CHP2: variants seen among roughly 807,000 people sequenced by gnomAD.
The protein encoded by CHP2 is calcineurin B homologous protein 2.
A neutral mutation model predicts 24.7 loss-of-function variants in CHP2; 31 were observed. The observed-to-expected ratio is 1.26, with a 90% CI of 0.94 to 1.69. The LOEUF (loss-of-function observed/expected upper bound fraction) is 1.69. CHP2 is among the 40% of genes most tolerant of loss of function. The pLI is 0.00. For missense variants in CHP2, 319 were observed against 261.5 expected (o/e 1.22, Z -1.52); for synonymous variants, 97 against 99.1 (o/e 0.98, Z 0.13).
intron 1 of CHP2, 86 bp from the exon 2 acceptor site, chr16:23,755,575 T>C (rs965355305): frequency 2.6e-5 from 30 of 1,170,160 alleles, no homozygotes; most frequent in Non-Finnish European, 3.6e-5. Flanking sequence ...CCCGCTGTTC[T>C]GGCCCATCTT....
chr16:23,757,199 A>C lies in CHP2; in HGVS notation c.415-2A>C, dbSNP rs753042191. The C allele has an allele frequency of 6.2e-7, 1 of 1,613,944 alleles. No individual in the cohort carries two copies. Among genetic ancestry groups the C allele is most frequent in the Admixed American group, 1.7e-5 (1 of 59,998 alleles). On this transcript the variant is annotated splice_acceptor_variant, in intron 5 of 6. Transcript: ENST00000300113. LOFTEE classifies it high-confidence loss of function. ...ATGGCTGCCTCTTCACTCATCTCTCAGGTTCTCCGTCTGATGGTTGGGGTA... is the reference window on the plus strand; with the variant it reads ...ATGGCTGCCTCTTCACTCATCTCTCCGGTTCTCCGTCTGATGGTTGGGGTA...
intron 6 of CHP2, 86 bp from the exon 7 acceptor site, chr16:23,757,444 G>A: frequency 6.3e-7 from 1 of 1,578,616 alleles, no homozygotes; most frequent in Non-Finnish European, 8.7e-7. Flanking sequence ...TGGGGTCTCT[G>A]GAATGGGTAG....
Position 23,756,200 on chromosome 16 carries a change from T to G in CHP2, c.352+7T>G. ...AGAAGGAACAAACTTCACTGTGAGT[T>G]TGTGAGGACCTGCACAAGTGAGAAT... On this transcript the variant is annotated splice_region_variant and intron_variant, in intron 4 of 6. Coordinates refer to ENST00000300113, the MANE Select transcript of CHP2 (RefSeq NM_022097.4). The G allele has an allele frequency of 6.2e-7, 1 of 1,613,732 alleles. No homozygotes were observed. Among genetic ancestry groups the G allele is most frequent in the African/African-American group, 1.3e-5 (1 of 75,012 alleles).
In CHP2 at chr16:23,755,923, G is replaced by A. The variant is rs200529789; in HGVS notation, c.217G>A (p.Asp73Asn). The A allele has an allele frequency of 1.1e-4, 184 of 1,614,140 alleles. No homozygotes were observed. Among genetic ancestry groups the A allele is most frequent in the Non-Finnish European group, 1.0e-5 (12 of 1,180,016 alleles). ...CCGAATTATAGAAAGCTTCTTCCCC[G>A]ATGGGTGAGGCTTGCTGGGCGTGGG... ...GDRIIESFFPDGSQRVDFPGF... is the reference protein window; with the variant it reads ...GDRIIESFFPNGSQRVDFPGF... Residue 73 changes from aspartate to asparagine, a missense_variant, in exon 3 of 7, where the codon GAT becomes AAT. Coordinates refer to ENST00000300113, the MANE Select transcript of CHP2 (RefSeq NM_022097.4).
rs1961215911 is a variant in CHP2 at position 23,755,867 on chromosome 16, T to C, written c.161T>C (p.Ile54Thr). ...GYLSRMDLQQ[I>T]GALAVNPLGD... The stretch of plus-strand genomic sequence containing the variant: ...TGCAGCCGCATGGATCTCCAGCAGA[T>C]AGGGGCGCTCGCCGTGAACCCCCTG... Residue 54 changes from isoleucine to threonine, a missense_variant, in exon 3 of 7, where the codon ATA becomes ACA. Physicochemically the swap from Ile to Thr is moderately conservative, Grantham distance 89. Transcript: ENST00000300113. 11 of 1,614,030 alleles carry C rather than the reference T, an allele frequency of 6.8e-6. No individual in the cohort carries two copies. The highest frequency in any genetic ancestry group is 4.5e-5 in the East Asian group (2 of 44,884).
At chr16:23,755,781 C>G (rs867236098) in intron 2 of CHP2, 48 bp downstream of exon 2, 2 of 1,613,042 alleles carry the variant, frequency 1.2e-6, no homozygotes, top group Middle Eastern at 3.3e-4. Flanking sequence ...CTCTCTGACT[C>G]CATGTCCCTC....
intron 1 of CHP2, 23 bp from the exon 2 acceptor site, chr16:23,755,638 C>T: frequency 1.2e-6 from 2 of 1,610,086 alleles, no homozygotes; most frequent in African/African-American, 1.3e-5. Flanking sequence ...TCACACACCC[C>T]CACCCCACTC....
Position 23,756,411 on chromosome 16 carries a change from G to C in CHP2, c.376G>C (p.Asp126His), listed in dbSNP as rs1961226563. ...LHYAFQLYDL[D>H]RDGKISRHEM... ...AGATGCATTTCAGCTCTATGACCTG[G>C]ATCGCGATGGGAAGATCTCCAGGCA... Residue 126 changes from aspartate (D) to histidine (H), a missense_variant, in exon 5 of 7, where the codon GAT becomes CAT. Physicochemically the swap from Asp to His is moderately conservative, Grantham distance 81. Transcript: ENST00000300113. 1.2e-6 allele frequency: 2 copies of C among 1,614,014 alleles called. No individual in the cohort carries two copies.
intron 5 of CHP2, among the ~76,000 whole-genome samples, chr16:23,756,718 C>T (rs530384644): frequency 3.5e-4 from 53 of 151,944 alleles, no homozygotes; most frequent in African/African-American, 1.1e-3. Flanking sequence ...TCTGGAGATG[C>T]TTTTTGTTGT....
At position 23,757,261 on chromosome 16, in the gene CHP2, C is replaced by T. The variant is rs773423633; in HGVS notation, c.475C>T (p.Arg159Cys). The part of the protein sequence containing the change: ...TEEQLENIAD[R>C]TVQEADEDGD... Reference sequence around the variant, plus strand: ...AGAGCAGCTGGAGAACATCGCTGACCGCACGGTGCAGGAGGCTGATGAAGA... The same window carrying T: ...AGAGCAGCTGGAGAACATCGCTGACTGCACGGTGCAGGAGGCTGATGAAGA... Residue 159 changes from arginine to cysteine, a missense_variant, in exon 6 of 7, where the codon CGC becomes TGC. Arg to Cys is a radical substitution (Grantham distance 180, BLOSUM62 -3). Coordinates refer to ENST00000300113, the MANE Select transcript of CHP2 (RefSeq NM_022097.4). The T allele has an allele frequency of 1.1e-5, 17 of 1,613,786 alleles. No individual in the cohort carries two copies. Among genetic ancestry groups the T allele is most frequent in the Non-Finnish European group, 1.4e-5 (16 of 1,179,982 alleles).
intron 4 of CHP2, 22 bp downstream of exon 4, chr16:23,756,215 C>G: frequency 6.2e-7 from 1 of 1,613,260 alleles, no homozygotes. Flanking sequence ...AGGACCTGCA[C>G]AAGTGAGAAT....
At chr16:23,755,204 C>A in intron 1 of CHP2, 88 bp downstream of exon 1, 1 of 964,428 alleles carries the variant, frequency 1.0e-6, no homozygotes. Flanking sequence ...GAAGGATGGA[C>A]GAACTTACAA....
rs374406808 is a variant in CHP2, at chr16:23,758,117, C to T, written c.*534C>T. On this transcript the variant is annotated 3_prime_UTR_variant, in exon 7 of 7. Coordinates refer to ENST00000300113, the MANE Select transcript of CHP2 (RefSeq NM_022097.4). ...GATCTGACAGGAGGCAGAGCTCAGG[C>T]GGTAATGCAAGCAATGGGGAGTGGC... 6.5e-5 allele frequency: 11 copies of T among 170,068 alleles called. No individual in the cohort carries two copies. The highest frequency in any genetic ancestry group is 8.9e-5 in the Non-Finnish European group (7 of 78,572). 10.5% of individuals were successfully genotyped at this position (170,068 alleles called of 1,614,324 possible).
chr16:23,755,455 C>T (rs1298449908), intron 1 of CHP2: 6 of 607,904 alleles, frequency 9.9e-6, no homozygotes, highest in South Asian at 2.0e-5. Context: ...CGGGAGGTTG[C>T]GAGCCGCCCG....
At position 23,757,157 on chromosome 16, in the gene CHP2, C is replaced by T. The variant is rs775456903; in HGVS notation, c.415-44C>T. On this transcript the variant is annotated intron_variant, in intron 5 of 6. Transcript: ENST00000300113. Reference sequence around the variant, plus strand: ...GGTTTAGGAGATGGGGAGTTGCAGCCTTCGTGCCCCCTCCTTATGGCTGCC... The same window carrying T: ...GGTTTAGGAGATGGGGAGTTGCAGCTTTCGTGCCCCCTCCTTATGGCTGCC... 5.0e-6 allele frequency: 8 copies of T among 1,613,024 alleles called. No homozygotes were observed. The East Asian group carries it at 1.1e-4, about 22-fold the overall frequency.
intron 5 of CHP2, among the ~76,000 whole-genome samples, chr16:23,756,691 G>A (rs1194903299): frequency 6.6e-6 from 1 of 152,194 alleles, no homozygotes; most frequent in Non-Finnish European, 1.5e-5. Flanking sequence ...TGCTCCCTGA[G>A]TGAATATCTG....
In CHP2 at chr16:23,755,996, T is replaced by A. The variant is rs142231108; in HGVS notation, c.222-67T>A. The A allele has an allele frequency of 4.3e-4, 695 of 1,613,690 alleles. 9 individuals are homozygous for A. The East Asian group carries it at 0.014, about 33-fold the overall frequency. ...TGTGTGAGTGGGTGGGAGGGGAGGTTAGAGACGGAGGCAAAGTGATGGCCA... is the reference window on the plus strand; with the variant it reads ...TGTGTGAGTGGGTGGGAGGGGAGGTAAGAGACGGAGGCAAAGTGATGGCCA... On this transcript the variant is annotated intron_variant, in intron 3 of 6. Transcript: ENST00000300113.
At chr16:23,755,760 C>T in intron 2 of CHP2, 27 bp downstream of exon 2, 1 of 1,613,660 alleles carries the variant, frequency 6.2e-7, no homozygotes, top group East Asian at 2.2e-5. Context: ...CTCATAACTT[C>T]TGGCCTCTGT....
intron 1 of CHP2, chr16:23,755,376 C>T: frequency 1.7e-6 from 1 of 598,384 alleles, no homozygotes; most frequent in South Asian, 2.0e-5. Context: ...CAGGTGTCCT[C>T]CAGCCCGGCT....
Sources: gnomAD v4.1 joint callset for allele counts (sites outside exome capture counted in the v4.1 genomes callset) on GRCh38, gnomAD v4.1.1 for gene constraint, MANE v1.5 for transcripts, NCBI Gene and HGNC (gene_info 2026-07-23, HGNC 2026-07-21) for gene names.